Variants in VARS2 observed in about 807,000 individuals in gnomAD.
VARS2 encodes the protein valyl-tRNA synthetase 2, mitochondrial.
Under a neutral mutation model 154.1 loss-of-function variants are expected in VARS2, and 105 were observed. The ratio of observed to expected loss-of-function variants is 0.68; its 90% CI spans 0.58 to 0.80. The LOEUF is 0.80. VARS2 is among the 30% of genes least tolerant of loss of function. The pLI is 0.00. For missense variants in VARS2, 1,157 were observed against 1,361.4 expected (o/e 0.85, Z 2.36); for synonymous variants, 483 against 539.5 (o/e 0.90, Z 1.45).
Position 30,925,698 on chromosome 6 carries a change from T to C in VARS2, c.2940T>C (p.Ala980=). The part of the protein sequence containing the change: ...GWAQAPLSDT[A]QVYMELQGLV... Reference sequence around the variant, plus strand: ...CCCAGGCTCCACTCAGTGACACGGCTCAAGTCTACATGGAGCTGCAGGTGA... The same window carrying C: ...CCCAGGCTCCACTCAGTGACACGGCCCAAGTCTACATGGAGCTGCAGGTGA... Residue 980 remains alanine (A), a synonymous_variant, in exon 28 of 30, where the codon GCT becomes GCC. Coordinates refer to ENST00000676266, the MANE Select transcript of VARS2 (RefSeq NM_020442.6). 1.2e-6 allele frequency: 2 copies of C among 1,610,996 alleles called. No individual in the cohort carries two copies. The highest frequency in any genetic ancestry group is 1.7e-6 in the Non-Finnish European group (2 of 1,179,646).
intron 1 of VARS2, 22 bp downstream of exon 1, chr6:30,914,366 C>T: frequency 8.0e-7 from 1 of 1,248,370 alleles, no homozygotes. Flanking sequence ...CCGGGGCGGC[C>T]TCCGGGAAGT....
Position 30,921,106 on chromosome 6 carries a change from C to G in VARS2, c.1521C>G (p.His507Gln), listed in dbSNP as rs1262451272. The G allele has an allele frequency of 2.5e-6, 4 of 1,613,782 alleles. No homozygotes were observed. The African/African-American group carries it at 4.0e-5, about 16-fold the overall frequency. ...SGALELSPSF[H>Q]QKNWQHWFSH... ...CCCTGGAGCTCAGTCCCTCCTTCCA[C>G]CAGAAGAACTGGCAGCACTGGTTTT... is the stretch of plus-strand genomic sequence containing the variant. Residue 507 changes from histidine to glutamine, a missense_variant, in exon 16 of 30, where the codon CAC (histidine) becomes CAG (glutamine). Coordinates refer to ENST00000676266, the MANE Select transcript of VARS2 (RefSeq NM_020442.6). The surrounding 1 kb of genome is among the most constrained non-coding windows in gnomAD (Gnocchi z 4.6).
In VARS2 at chr6:30,926,452, A is replaced by G; in HGVS notation, c.*242A>G. On this transcript the variant is annotated 3_prime_UTR_variant, in exon 30 of 30. Coordinates refer to ENST00000676266, the MANE Select transcript of VARS2 (RefSeq NM_020442.6). ...GAGGAGATTGAGATAAACTTTTGAA[A>G]TCCCAAACATGTCTGTTTATGGCTC... The G allele has an allele frequency of 1.7e-6, 1 of 571,638 alleles. No individual in the cohort carries two copies. The highest frequency in any genetic ancestry group is 3.1e-6 in the Non-Finnish European group (1 of 320,860). The allele number at this position is 571,638 out of a possible 1,614,324, so 35.4% of individuals were successfully genotyped here.
chr6:30,916,079 G>A lies in VARS2; in HGVS notation c.573+32G>A, dbSNP rs1441515742. On this transcript the variant is annotated intron_variant, in intron 6 of 29. Coordinates refer to ENST00000676266, the MANE Select transcript of VARS2 (RefSeq NM_020442.6). This position sits in a 1 kb window ranked among gnomAD's most constrained non-coding sequence, Gnocchi z 4.0. ...CTTTTGTTACCTGTTCCTTTTCTTG[G>A]GCAAAAGCAATTTCTTCCCCCAAAG... 7 of 1,604,324 alleles carry A rather than the reference G, an allele frequency of 4.4e-6. No homozygotes were observed. The South Asian group carries it at 7.8e-5, about 18-fold the overall frequency.
Position 30,917,910 on chromosome 6 carries a change from A to AC in VARS2, c.985+106dup. On this transcript the variant is annotated intron_variant, in intron 10 of 29. Coordinates refer to ENST00000676266, the MANE Select transcript of VARS2 (RefSeq NM_020442.6). This position sits in a 1 kb window ranked among gnomAD's most constrained non-coding sequence, Gnocchi z 4.4. ...ACCCATCAGTCCATCTCTCACATGT[A>AC]CCTTGGTAGTGTTCACCTCAGCGTG... 8.5e-7 allele frequency: 1 copy of AC among 1,169,752 alleles called. No individual in the cohort carries two copies. The highest frequency in any genetic ancestry group is 1.2e-6 in the Non-Finnish European group (1 of 812,440). 72.5% of individuals were successfully genotyped at this position (1,169,752 alleles called of 1,614,324 possible). A position where few individuals can be genotyped will look rare whatever the true frequency, so the allele number is the denominator to read the frequency against.
Position 30,916,961 on chromosome 6 carries a change from T to A in VARS2, c.753+2T>A, listed in dbSNP as rs767781351. The A allele has an allele frequency of 1.9e-6, 3 of 1,614,036 alleles. No individual in the cohort carries two copies. Among genetic ancestry groups the A allele is most frequent in the Admixed American group, 3.3e-5 (2 of 59,988 alleles). On this transcript the variant is annotated splice_donor_variant, in intron 8 of 29. Coordinates refer to ENST00000676266, the MANE Select transcript of VARS2 (RefSeq NM_020442.6). LOFTEE classifies it high-confidence loss of function. The surrounding 1 kb of genome is among the most constrained non-coding windows in gnomAD (Gnocchi z 4.0). The stretch of plus-strand genomic sequence containing the variant: ...CGAGAGTGTTTTACCATGGATGTTG[T>A]GAGTGTTCTGTGCCTTGGTCCCTGT...
In VARS2 at chr6:30,917,367, T is replaced by G; in HGVS notation, c.873+143T>G. On this transcript the variant is annotated intron_variant, in intron 9 of 29. Coordinates refer to ENST00000676266, the MANE Select transcript of VARS2 (RefSeq NM_020442.6). This position sits in a 1 kb window ranked among gnomAD's most constrained non-coding sequence, Gnocchi z 4.4. ...AGCTGTGTGGCTTTTGGCAGGCCGT[T>G]TAGTCTCTTTAAGCCTCAGCTTCCT... 1 of 1,300,006 alleles carries G rather than the reference T, an allele frequency of 7.7e-7. No homozygotes were observed. The highest frequency in any genetic ancestry group is 1.1e-6 in the Non-Finnish European group (1 of 919,258). The allele number at this position is 1,300,006 out of a possible 1,614,324, so 80.5% of individuals were successfully genotyped here.
At chr6:30,925,840 C>G in intron 28 of VARS2, 40 bp from the exon 29 acceptor site, 1 of 1,611,352 alleles carries the variant, frequency 6.2e-7, no homozygotes. Flanking sequence ...GGCCTGGCAG[C>G]AGGCGGATGT....
chr6:30,926,243 G>C lies in VARS2; in HGVS notation c.*33G>C. The stretch of plus-strand genomic sequence containing the variant: ...TCCCCATCAGTTTTCCTCCCTCTCA[G>C]ACCTGTCTTTGAGGACAAACAGATT... On this transcript the variant is annotated 3_prime_UTR_variant, in exon 30 of 30. Transcript: ENST00000676266. The C allele has an allele frequency of 6.2e-7, 1 of 1,607,130 alleles. No homozygotes were observed. Among genetic ancestry groups the C allele is most frequent in the South Asian group, 1.1e-5 (1 of 90,810 alleles).
In VARS2 at chr6:30,926,397, G is replaced by C. The variant is rs564784910; in HGVS notation, c.*187G>C. 1.6e-6 allele frequency: 1 copy of C among 628,582 alleles called. No individual in the cohort carries two copies. Among genetic ancestry groups the C allele is most frequent in the Non-Finnish European group, 2.8e-6 (1 of 361,408 alleles). The allele number at this position is 628,582 out of a possible 1,614,324, so 38.9% of individuals were successfully genotyped here. On this transcript the variant is annotated 3_prime_UTR_variant, in exon 30 of 30. Transcript: ENST00000676266. ...CCTTGAGATGCTCACATTACTGCCC[G>C]GCCTGCCTCCCACCTGGAAGTCTGG...
rs1444155473 is a variant in VARS2 at position 30,920,441 on chromosome 6, C to A, written c.1397+5C>A. The stretch of plus-strand genomic sequence containing the variant: ...CATGGTACTGCCCATCTGCAGGTAA[C>A]CTCATTTTAACTCCTTTACTAAGGG... On this transcript the variant is annotated splice_donor_5th_base_variant and intron_variant, in intron 14 of 29. Transcript: ENST00000676266. The surrounding 1 kb of genome is among the most constrained non-coding windows in gnomAD (Gnocchi z 4.6). 1 of 1,599,786 alleles carries A rather than the reference C, an allele frequency of 6.3e-7. No individual in the cohort carries two copies. Among genetic ancestry groups the A allele is most frequent in the South Asian group, 1.1e-5 (1 of 88,434 alleles).
Position 30,925,589 on chromosome 6 carries a change from C to T in VARS2, c.2831C>T (p.Ala944Val). ...CCTGGGGACCAGGGCCTCTTCGAGG[C>T]CTTCTTGGAGCCCCTGGGCACCCTG... is the stretch of plus-strand genomic sequence containing the variant. Reference protein sequence around the residue: ...SEPGDQGLFEAFLEPLGTLGY... With the variant: ...SEPGDQGLFEVFLEPLGTLGY... The change falls in exon 28 of 30, where the codon GCC becomes GTC. Residue 944 changes from alanine (A) to valine (V), a missense_variant. Coordinates refer to ENST00000676266, the MANE Select transcript of VARS2 (RefSeq NM_020442.6). 1 of 1,609,414 alleles carries T rather than the reference C, an allele frequency of 6.2e-7. No individual in the cohort carries two copies. Among genetic ancestry groups the T allele is most frequent in the Non-Finnish European group, 8.5e-7 (1 of 1,178,896 alleles).
Position 30,917,548 on chromosome 6 carries a change from G to A in VARS2, c.874-147G>A, listed in dbSNP as rs1432123966. ...TGTGACTGCACGAGCATTGGGTGAG[G>A]GCAGAGGGAGGTAGCTCCCGAATCC... On this transcript the variant is annotated intron_variant, in intron 9 of 29. Transcript: ENST00000676266. The surrounding 1 kb of genome is among the most constrained non-coding windows in gnomAD (Gnocchi z 4.4). 1.3e-6 allele frequency: 1 copy of A among 774,416 alleles called. No homozygotes were observed. Among genetic ancestry groups the A allele is most frequent in the Non-Finnish European group, 2.0e-6 (1 of 490,020 alleles). The allele number at this position is 774,416 out of a possible 1,614,324, so 48.0% of individuals were successfully genotyped here.
rs1233223910 is a variant in VARS2, at chr6:30,925,688, G to A, written c.2930G>A (p.Ser977Asn). ...TCCGGCTGGGCCCAGGCTCCACTCAGTGACACGGCTCAAGTCTACATGGAG... is the reference window on the plus strand; with the variant it reads ...TCCGGCTGGGCCCAGGCTCCACTCAATGACACGGCTCAAGTCTACATGGAG... ...APSGWAQAPL[S>N]DTAQVYMELQ... The change falls in exon 28 of 30, where the codon AGT becomes AAT. Residue 977 changes from serine (S) to asparagine (N), a missense_variant. Coordinates refer to ENST00000676266, the MANE Select transcript of VARS2 (RefSeq NM_020442.6). 2.5e-6 allele frequency: 4 copies of A among 1,611,166 alleles called. No individual in the cohort carries two copies. Among genetic ancestry groups the A allele is most frequent in the Non-Finnish European group, 3.4e-6 (4 of 1,179,704 alleles).
In VARS2 at chr6:30,921,838, G is replaced by T; in HGVS notation, c.1736-87G>T. ...GGGGACAGCCCTGGTCTCTGGGGGT[G>T]GGGGTTGGCCTAGAATGGTGGCAGC... is the stretch of plus-strand genomic sequence containing the variant. On this transcript the variant is annotated intron_variant, in intron 18 of 29. Transcript: ENST00000676266. This position sits in a 1 kb window ranked among gnomAD's most constrained non-coding sequence, Gnocchi z 4.6. The T allele has an allele frequency of 6.3e-7, 1 of 1,576,696 alleles. No individual in the cohort carries two copies. The highest frequency in any genetic ancestry group is 8.7e-7 in the Non-Finnish European group (1 of 1,149,564).
In VARS2 at chr6:30,925,350, G is replaced by A. The variant is rs9394021; in HGVS notation, c.2750G>A (p.Arg917Gln). ...QEVVQVLRAL[R>Q]ATYQLTKARP... is the part of the protein sequence containing the mutation. Reference sequence around the variant, plus strand: ...GTCGTGCAGGTGCTAAGGGCTCTCCGAGCCACGTACCAGCTCACCAAAGCC... The same window carrying A: ...GTCGTGCAGGTGCTAAGGGCTCTCCAAGCCACGTACCAGCTCACCAAAGCC... Residue 917 changes from arginine to glutamine, a missense_variant, in exon 27 of 30, where the codon CGA becomes CAA. Arg to Gln is a conservative substitution (Grantham distance 43). Transcript: ENST00000676266. 0.21 allele frequency: 339,938 copies of A among 1,611,106 alleles called. 45,951 individuals carry two copies. The highest frequency in any genetic ancestry group is 0.57 in the East Asian group (25,401 of 44,794).
Position 30,915,142 on chromosome 6 carries a change from C to T in VARS2, c.202-14C>T. ...GTATACTGGATCCCAGCCTCTTCTG[C>T]TTTCTCTTCTCAGTCACCTGCAGAA... On this transcript the variant is annotated splice_polypyrimidine_tract_variant and intron_variant, in intron 2 of 29. Coordinates refer to ENST00000676266, the MANE Select transcript of VARS2 (RefSeq NM_020442.6). 1 of 1,613,946 alleles carries T rather than the reference C, an allele frequency of 6.2e-7. No homozygotes were observed. The highest frequency in any genetic ancestry group is 8.5e-7 in the Non-Finnish European group (1 of 1,179,858).
Position 30,917,157 on chromosome 6 carries a change from T to G in VARS2, c.806T>G (p.Leu269Trp). The G allele has an allele frequency of 6.2e-7, 1 of 1,614,180 alleles. No individual in the cohort carries two copies. Among genetic ancestry groups the G allele is most frequent in the South Asian group, 1.1e-5 (1 of 91,076 alleles). ...TTTGTGCGGCTCTACAAGGCGGGGTTGCTGTACCGGAACCATCAGCTTGTC... is the reference window on the plus strand; with the variant it reads ...TTTGTGCGGCTCTACAAGGCGGGGTGGCTGTACCGGAACCATCAGCTTGTC... ...EAFVRLYKAG[L>W]LYRNHQLVNW... The change falls in exon 9 of 30, where the codon TTG becomes TGG. Residue 269 changes from leucine (L) to tryptophan (W), a missense_variant. Physicochemically the swap from Leu to Trp is moderately conservative, Grantham distance 61. Coordinates refer to ENST00000676266, the MANE Select transcript of VARS2 (RefSeq NM_020442.6). This position sits in a 1 kb window ranked among gnomAD's most constrained non-coding sequence, Gnocchi z 4.4.
intron 22 of VARS2, 21 bp from the exon 23 acceptor site, chr6:30,922,877 T>C (rs1056852414): frequency 3.2e-6 from 5 of 1,569,952 alleles, no homozygotes; most frequent in Non-Finnish European, 4.4e-6. Flanking sequence ...TCTGCCACCC[T>C]TCTTCTTCCT....
Sources: gnomAD v4.1 joint callset for allele counts on GRCh38, gnomAD v4.1.1 for gene constraint, Gnocchi (gnomAD v3.1) non-coding constraint, MANE v1.5 for transcripts, NCBI Gene and HGNC (gene_info 2026-07-23, HGNC 2026-07-21) for gene names.